Variants in CD40LG observed in about 807,000 individuals in gnomAD.
CD40LG encodes CD40 ligand.
In CD40LG, 1 loss-of-function variant was observed where a neutral mutation model predicts 17.2. The observed-to-expected ratio is 0.06, with a 90% CI of 0.02 to 0.28. The LOEUF (loss-of-function observed/expected upper bound fraction) is 0.28, where lower values mean the gene tolerates loss of function less well. Ranked by LOEUF, CD40LG falls within the 10% of genes least tolerant of loss-of-function variation. CD40LG has a pLI of 1.00. For missense variants in CD40LG, 133 were observed against 193.2 expected, an observed-to-expected ratio of 0.69 and a Z score of 1.85; for synonymous variants, 66 against 74.4, an observed-to-expected ratio of 0.89 and a Z score of 0.58.
At chrX:136,648,613 G>A (rs1701796681) in intron 1 of CD40LG, among the ~76,000 whole-genome samples, 1 of 111,631 alleles carries the variant, frequency 9.0e-6, no homozygotes, top group Non-Finnish European at 1.9e-5. Context: ...TTCAAATCTT[G>A]GCTCTGCCCA....
intron 2 of CD40LG, among the ~76,000 whole-genome samples, chrX:136,653,708 T>C (rs1663264112): frequency 8.9e-6 from 1 of 112,545 alleles, no homozygotes; most frequent in African/African-American, 3.2e-5. Flanking sequence ...AGTTTATAAG[T>C]GAAAAGAAAC....
Position 136,648,403 on chromosome X carries a change from A to C in CD40LG, c.155A>C (p.Lys52Thr). The change falls in exon 1 of 5, where the codon AAG becomes ACG. Residue 52 changes from lysine to threonine, a missense_variant and splice_region_variant. Transcript: ENST00000370629. Reference sequence around the variant, plus strand: ...GTGTATCTTCATAGAAGGTTGGACAAGGTAAGATGAACCACAAGCCTTTAT... The same window carrying C: ...GTGTATCTTCATAGAAGGTTGGACACGGTAAGATGAACCACAAGCCTTTAT... ...FAVYLHRRLD[K>T]IEDERNLHED... 1 of 1,208,301 alleles carries C rather than the reference A, an allele frequency of 8.3e-7. No individual in the cohort carries two copies. Among genetic ancestry groups the C allele is most frequent in the Non-Finnish European group, 1.1e-6 (1 of 892,278 alleles).
intron 4 of CD40LG, among the ~76,000 whole-genome samples, chrX:136,656,778 G>A (rs900477710): frequency 2.7e-5 from 3 of 111,634 alleles, no homozygotes; most frequent in African/African-American, 9.8e-5. Context: ...TCACTGTGTG[G>A]AAATGGGCCT....
chrX:136,654,235 G>A (rs1046977215), intron 2 of CD40LG, 138 bp from the exon 3 acceptor site: 5 of 524,751 alleles, frequency 9.5e-6, no homozygotes, highest in Middle Eastern at 5.3e-4. Context: ...TGGAATTAAT[G>A]ACAGGATCTG....
In CD40LG at chrX:136,650,524, T is replaced by C. The variant is rs180799839; in HGVS notation, c.288+127T>C. 5.7e-5 allele frequency: 32 copies of C among 562,623 alleles called. No homozygotes were observed. The East Asian group carries it at 8.9e-4, about 16-fold the overall frequency. 46.4% of individuals were successfully genotyped at this position (562,623 alleles called of 1,213,427 possible). On this transcript the variant is annotated intron_variant, in intron 2 of 4. Transcript: ENST00000370629. ...ACAGACACACAGACACACACACACATATATATGCATGCAGATATACACACA... is the reference window on the plus strand; with the variant it reads ...ACAGACACACAGACACACACACACACATATATGCATGCAGATATACACACA...
In CD40LG at chrX:136,660,117, C is replaced by T. The variant is rs77577750; in HGVS notation, c.*702C>T. On this transcript the variant is annotated 3_prime_UTR_variant, in exon 5 of 5. Transcript: ENST00000370629. Reference sequence around the variant, plus strand: ...AATCCCCCTTTCTAACACACACACACACACACACACACACACACACACACA... The same window carrying T: ...AATCCCCCTTTCTAACACACACACATACACACACACACACACACACACACA... The T allele has an allele frequency of 1.4e-3, 108 of 75,029 alleles. No individual in the cohort carries two copies. Among genetic ancestry groups the T allele is most frequent in the African/African-American group, 8.8e-3 (97 of 11,065 alleles). 6.2% of individuals were successfully genotyped at this position (75,029 alleles called of 1,213,427 possible).
intron 2 of CD40LG, among the ~76,000 whole-genome samples, chrX:136,652,472 T>C (rs1820769754): frequency 9.0e-6 from 1 of 111,685 alleles, no homozygotes; most frequent in African/African-American, 3.3e-5. Context: ...AAGTTTGAAT[T>C]TGGAGTCTTT....
In CD40LG at chrX:136,654,357, A is replaced by G; in HGVS notation, c.289-16A>G. On this transcript the variant is annotated splice_polypyrimidine_tract_variant and intron_variant, in intron 2 of 4. Transcript: ENST00000370629. ...GCCCCTGTCAAAATGACCTCTTGCA[A>G]TGCTTCTTATTTTAGGATATAATGT... 8.6e-7 allele frequency: 1 copy of G among 1,167,272 alleles called. No homozygotes were observed. Among genetic ancestry groups the G allele is most frequent in the Non-Finnish European group, 1.2e-6 (1 of 854,837 alleles).
At position 136,659,552 on chromosome X, in the gene CD40LG, C is replaced by T; in HGVS notation, c.*137C>T. On this transcript the variant is annotated 3_prime_UTR_variant, in exon 5 of 5. Coordinates refer to ENST00000370629, the MANE Select transcript of CD40LG (RefSeq NM_000074.3). ...CTTATGGAGAACTATTTATTATACACTCCAAGGCATGTAGAACTGTAATAA... is the reference window on the plus strand; with the variant it reads ...CTTATGGAGAACTATTTATTATACATTCCAAGGCATGTAGAACTGTAATAA... 3.1e-6 allele frequency: 2 copies of T among 637,727 alleles called. No homozygotes were observed. Among genetic ancestry groups the T allele is most frequent in the South Asian group, 2.8e-5 (1 of 36,003 alleles). The allele number at this position is 637,727 out of a possible 1,213,427, so 52.6% of individuals were successfully genotyped here.
In CD40LG at chrX:136,659,019, T is replaced by C; in HGVS notation, c.410-20T>C. On this transcript the variant is annotated intron_variant, in intron 4 of 4. Transcript: ENST00000370629. ...TGCTCTGCTTCACCTCACCACAAAC[T>C]TTCCCTTTCTTTGTAACAGTGTTAC... 1 of 1,208,281 alleles carries C rather than the reference T, an allele frequency of 8.3e-7. No homozygotes were observed. The highest frequency in any genetic ancestry group is 1.1e-6 in the Non-Finnish European group (1 of 892,613).
In CD40LG at chrX:136,655,554, A is replaced by G. The variant is rs3092931; in HGVS notation, c.347-802A>G. 5.2e-3 allele frequency among the ~76,000 whole-genome samples: 579 copies of G among 111,980 alleles called. 2 individuals carry two copies. Among genetic ancestry groups the G allele is most frequent in the African/African-American group, 0.018 (568 of 30,839 alleles). On this transcript the variant is annotated intron_variant, in intron 3 of 4. Transcript: ENST00000370629. ...CATACATACATACAGGGATAGAGAT[A>G]CTATTTTCTGAGGCAAAGAGAGTAC...
chrX:136,652,430 G>A (rs926034519), intron 2 of CD40LG, among the ~76,000 whole-genome samples: 3 of 111,531 alleles, frequency 2.7e-5, no homozygotes, highest in Non-Finnish European at 5.7e-5. Context: ...CTTTCTTTCC[G>A]GGCCACAGTC....
chrX:136,651,666 T>C (rs1162050165), intron 2 of CD40LG, among the ~76,000 whole-genome samples: 1 of 112,229 alleles, frequency 8.9e-6, no homozygotes, highest in African/African-American at 3.2e-5. Context: ...TTACAGAGTA[T>C]TGGAAGATGT....
At chrX:136,656,281 T>C in intron 3 of CD40LG, 75 bp from the exon 4 acceptor site, 1 of 753,974 alleles carries the variant, frequency 1.3e-6, no homozygotes, top group Non-Finnish European at 2.1e-6. Flanking sequence ...ATTACACAGT[T>C]GTAGAACTGG....
At chrX:136,654,650 C>T (rs1249833996) in intron 3 of CD40LG, among the ~76,000 whole-genome samples, 4 of 111,483 alleles carry the variant, frequency 3.6e-5, no homozygotes, top group South Asian at 3.8e-4. Flanking sequence ...CCTTTAATGC[C>T]GATGATACCA....
In CD40LG at chrX:136,648,362, G is replaced by A. The variant is rs767319189; in HGVS notation, c.114G>A (p.Gly38=). Residue 38 remains glycine (G), a synonymous_variant, in exon 1 of 5, where the codon GGG becomes GGA. Coordinates refer to ENST00000370629, the MANE Select transcript of CD40LG (RefSeq NM_000074.3). ...LTVFLITQMI[G]SALFAVYLHR... is the part of the protein sequence containing the mutation. ...TTTTTCTTATCACCCAGATGATTGG[G>A]TCAGCACTTTTTGCTGTGTATCTTC... 20 of 1,208,698 alleles carry A rather than the reference G, an allele frequency of 1.7e-5. No homozygotes were observed. In the African/African-American group the frequency reaches 3.3e-4, roughly 20 times the overall value.
intron 3 of CD40LG, among the ~76,000 whole-genome samples, chrX:136,655,071 C>T (rs1412622811): frequency 9.0e-6 from 1 of 111,433 alleles, no homozygotes; most frequent in Non-Finnish European, 1.9e-5. Context: ...CTAATAATAC[C>T]AAGATTACTA....
chrX:136,659,665 C>T lies in CD40LG; in HGVS notation c.*250C>T. ...GCAGCAACCCCACTGATGCAGACAT[C>T]CAGAGAGTCCTATGAAAAGACAAGG... On this transcript the variant is annotated 3_prime_UTR_variant, in exon 5 of 5. Coordinates refer to ENST00000370629, the MANE Select transcript of CD40LG (RefSeq NM_000074.3). The T allele has an allele frequency of 5.1e-6, 2 of 393,957 alleles. No homozygotes were observed. The highest frequency in any genetic ancestry group is 9.0e-5 in the Admixed American group (2 of 22,139). 32.5% of individuals were successfully genotyped at this position (393,957 alleles called of 1,213,427 possible).
At chrX:136,654,982 G>A (rs187282359) in intron 3 of CD40LG, among the ~76,000 whole-genome samples, 16 of 111,227 alleles carry the variant, frequency 1.4e-4, no homozygotes, top group Admixed American at 8.6e-4. Context: ...AACACTGACC[G>A]TCCAGCCTCT....
Sources: gnomAD v4.1 joint callset for allele counts (sites outside exome capture counted in the v4.1 genomes callset) on GRCh38, gnomAD v4.1.1 for gene constraint, MANE v1.5 for transcripts, NCBI Gene and HGNC (gene_info 2026-07-23, HGNC 2026-07-21) for gene names.